PITPNM2: variants seen among roughly 807,000 people sequenced by gnomAD.
PITPNM2 encodes the protein membrane-associated phosphatidylinositol transfer protein 2.
A neutral mutation model predicts 132.2 loss-of-function variants in PITPNM2; 35 were observed. The observed-to-expected ratio is 0.26, with a 90% CI of 0.20 to 0.35. The LOEUF (loss-of-function observed/expected upper bound fraction) is 0.35, where lower values mean the gene tolerates loss of function less well. PITPNM2 is among the 10% of genes least tolerant of loss of function. PITPNM2 has a pLI of 1.00. For missense variants in PITPNM2, 1,332 were observed against 1,912.0 expected (o/e 0.70, Z 5.66); for synonymous variants, 738 against 799.2 (o/e 0.92, Z 1.29).
chr12:123,067,512 A>C (rs1463150869), intron 2 of PITPNM2, among the ~76,000 whole-genome samples: 9 of 151,528 alleles, frequency 5.9e-5, no homozygotes, highest in South Asian at 2.1e-4. Context: ...AAAGAAGAAG[A>C]GGAGAGGACA....
At chr12:123,003,803 C>T (rs2038799167) in intron 8 of PITPNM2, among the ~76,000 whole-genome samples, 1 of 152,208 alleles carries the variant, frequency 6.6e-6, no homozygotes, top group African/African-American at 2.4e-5. Flanking sequence ...ACCTGCTGGC[C>T]CCTCCAGCTT....
intron 1 of PITPNM2, among the ~76,000 whole-genome samples, chr12:123,141,412 T>C (rs1002909530): frequency 6.6e-6 from 1 of 152,034 alleles, no homozygotes; most frequent in African/African-American, 2.4e-5. Flanking sequence ...GCAAGAACAA[T>C]CCACAGACGC....
chr12:123,027,962 G>A (rs1042970739), intron 3 of PITPNM2, among the ~76,000 whole-genome samples: 1 of 152,372 alleles, frequency 6.6e-6, no homozygotes, highest in African/African-American at 2.4e-5. Flanking sequence ...TGCCACATGA[G>A]CAGCCACCCC....
At chr12:123,015,669 G>T (rs964146732) in intron 3 of PITPNM2, among the ~76,000 whole-genome samples, 1 of 152,054 alleles carries the variant, frequency 6.6e-6, no homozygotes, top group Non-Finnish European at 1.5e-5. Context: ...GGCAAACAAG[G>T]TCATCTTTAT....
At chr12:123,144,196 T>C (rs757665430) in intron 1 of PITPNM2, among the ~76,000 whole-genome samples, 16 of 152,236 alleles carry the variant, frequency 1.1e-4, no homozygotes, top group South Asian at 2.1e-4. Context: ...CGTGTCCTTT[T>C]TGTGGTCTGT....
intron 3 of PITPNM2, among the ~76,000 whole-genome samples, chr12:123,015,255 A>G (rs1449960289): frequency 6.6e-6 from 1 of 152,212 alleles, no homozygotes; most frequent in African/African-American, 2.4e-5. Flanking sequence ...AACAAAACCA[A>G]GCTGGAGGAC....
intron 10 of PITPNM2, among the ~76,000 whole-genome samples, chr12:122,998,157 T>A (rs1296209650): frequency 6.6e-6 from 1 of 152,108 alleles, no homozygotes; most frequent in African/African-American, 2.4e-5. Flanking sequence ...CAAGTCATTC[T>A]CCCCAGGCCC....
At chr12:123,001,882 T>G (rs1477776198) in intron 8 of PITPNM2, among the ~76,000 whole-genome samples, 1 of 151,676 alleles carries the variant, frequency 6.6e-6, no homozygotes, top group East Asian at 1.9e-4. Flanking sequence ...AATACAAAAA[T>G]TAGTCAGGCG....
At chr12:123,133,969 C>T (rs1014936758) in intron 1 of PITPNM2, among the ~76,000 whole-genome samples, 1 of 152,008 alleles carries the variant, frequency 6.6e-6, no homozygotes, top group Admixed American at 6.6e-5. Context: ...GCGTGAGCCA[C>T]CGCATCCGGC....
At position 123,068,862 on chromosome 12, in the gene PITPNM2, T is replaced by C. The variant is rs188120337; in HGVS notation, c.-95-34177A>G. 2.6e-5 allele frequency among the ~76,000 whole-genome samples: 4 copies of C among 152,270 alleles called. No individual in the cohort carries two copies. The East Asian group carries it at 5.8e-4, about 22-fold the overall frequency. ...GGACATGGTCAGGACAACTGTAGGATTGATAATGTCAGAGCCAAGATGGTT... is the reference window on the plus strand; with the variant it reads ...GGACATGGTCAGGACAACTGTAGGACTGATAATGTCAGAGCCAAGATGGTT... On this transcript the variant is annotated intron_variant, in intron 2 of 25. Coordinates refer to ENST00000320201, the MANE Select transcript of PITPNM2 (RefSeq NM_020845.3).
rs377472210 is a variant in PITPNM2, at chr12:123,109,724, C to T, written c.-96+661G>A. Among the ~76,000 whole-genome samples the T allele has an allele frequency of 1.7e-4, 26 of 152,230 alleles. No homozygotes were observed. In the East Asian group the frequency reaches 4.8e-3, roughly 28 times the overall value. ...TTCCATGTACTAAGGGTAGAGCAGG[C>T]CAGGCTAAGCCTCAAGAGCAAACAG... On this transcript the variant is annotated intron_variant, in intron 2 of 25. Transcript: ENST00000320201.
At chr12:123,030,459 T>C (rs2040043462) in intron 3 of PITPNM2, among the ~76,000 whole-genome samples, 1 of 152,214 alleles carries the variant, frequency 6.6e-6, no homozygotes. Flanking sequence ...TTTGGGAAGC[T>C]GAGGCGGGCG....
intron 1 of PITPNM2, among the ~76,000 whole-genome samples, chr12:123,137,931 A>C (rs1237689257): frequency 6.6e-6 from 1 of 151,670 alleles, no homozygotes; most frequent in Non-Finnish European, 1.5e-5. Context: ...AAAGCAAAAC[A>C]AAAGAAAGAT....
Position 122,987,543 on chromosome 12 carries a change from G to A in PITPNM2, c.3231C>T (p.Gly1077=), listed in dbSNP as rs1204716905. 8 of 1,613,656 alleles carry A rather than the reference G, an allele frequency of 5.0e-6. No homozygotes were observed. Among genetic ancestry groups the A allele is most frequent in the South Asian group, 1.1e-5 (1 of 91,088 alleles). Reference sequence around the variant, plus strand: ...CCATCTTGATAGGGTAGACACCCACGCCCAGGCGGTGCGACTCAGGGATGG... The same window carrying A: ...CCATCTTGATAGGGTAGACACCCACACCCAGGCGGTGCGACTCAGGGATGG... The part of the protein sequence containing the change: ...SYTIPESHRL[G]VGVYPIKMVV... Residue 1077 remains glycine (G), a synonymous_variant, in exon 22 of 26, where the codon GGC becomes GGT. Coordinates refer to ENST00000320201, the MANE Select transcript of PITPNM2 (RefSeq NM_020845.3).
chr12:122,988,630 GAGGAGTCCCCAC>G, intron 19 of PITPNM2, 82 bp downstream of exon 19: 1 of 1,317,592 alleles, frequency 7.6e-7, no homozygotes, highest in Non-Finnish European at 1.0e-6. Context: ...TGGGGTTGGA[GAGGAGTCCCCAC>G]TGTCCCCTCG....
At chr12:123,146,529 G>C (rs901098468) in intron 1 of PITPNM2, among the ~76,000 whole-genome samples, 1 of 152,002 alleles carries the variant, frequency 6.6e-6, no homozygotes, top group Non-Finnish European at 1.5e-5. Flanking sequence ...GGGAGGCAGA[G>C]GTTGCAGTGA....
intron 3 of PITPNM2, 78 bp downstream of exon 3, chr12:123,034,435 C>T: frequency 7.3e-7 from 1 of 1,373,444 alleles, no homozygotes; most frequent in Non-Finnish European, 1.0e-6. Context: ...GCCACAACTC[C>T]ACCTAACCCA....
At chr12:122,988,568 T>C (rs1236796214) in intron 19 of PITPNM2, among the ~76,000 whole-genome samples, 156 bp downstream of exon 19, 1 of 152,174 alleles carries the variant, frequency 6.6e-6, no homozygotes, top group East Asian at 1.9e-4. Context: ...CTGAAAAGCC[T>C]GAATACACCC....
chr12:123,016,590 C>A (rs2039433671), intron 3 of PITPNM2, among the ~76,000 whole-genome samples: 4 of 64,890 alleles, frequency 6.2e-5, no homozygotes. Flanking sequence ...GTCTCAAAAA[C>A]AAACAAAAAA....
Sources: gnomAD v4.1 joint callset for allele counts (sites outside exome capture counted in the v4.1 genomes callset) on GRCh38, gnomAD v4.1.1 for gene constraint, MANE v1.5 for transcripts, NCBI Gene and HGNC (gene_info 2026-07-23, HGNC 2026-07-21) for gene names.